PHKB: variants seen among roughly 807,000 people sequenced by gnomAD.
PHKB encodes phosphorylase b kinase regulatory subunit beta.
A neutral mutation model predicts 152.1 loss-of-function variants in PHKB; 122 were observed. That is an observed-to-expected ratio of 0.80 (90% CI 0.69 to 0.93). The LOEUF (loss-of-function observed/expected upper bound fraction) is 0.93, where lower values mean the gene tolerates loss of function less well. PHKB is among the 40% of genes least tolerant of loss of function. The probability of loss-of-function intolerance (pLI) is 0.00; values close to 1 mark genes in which losing one functional copy is unlikely to be tolerated. For synonymous variants in PHKB, 436 were observed against 464.9 expected (o/e 0.94, Z 0.80); for missense variants, 1,304 against 1,328.4 (o/e 0.98, Z 0.29).
chr16:47,698,207 C>T (rs1362669457), intron 29 of PHKB, among the ~76,000 whole-genome samples: 5 of 151,990 alleles, frequency 3.3e-5, no homozygotes, highest in African/African-American at 7.3e-5. Flanking sequence ...TCTAAGTTAA[C>T]GGTTTTATTT....
At chr16:47,640,903 C>G in intron 14 of PHKB, 132 bp from the exon 15 acceptor site, 2 of 820,754 alleles carry the variant, frequency 2.4e-6, no homozygotes, top group East Asian at 2.5e-5. Flanking sequence ...AAGGTGGCCG[C>G]TGAGAGCCAG....
At chr16:47,598,586 C>T (rs781017557) in intron 13 of PHKB, 104 of 908,846 alleles carry the variant, frequency 1.1e-4, no homozygotes, top group Middle Eastern at 3.5e-4. Context: ...AATATGAACA[C>T]GCCCTCGATA....
At chr16:47,578,409 T>C (rs1971785523) in intron 7 of PHKB, among the ~76,000 whole-genome samples, 1 of 152,192 alleles carries the variant, frequency 6.6e-6, no homozygotes, top group Admixed American at 6.5e-5. Context: ...TTGGGCATAA[T>C]AGTATAAGAC....
chr16:47,507,522 G>GT (rs1171982004), intron 4 of PHKB, among the ~76,000 whole-genome samples: 1 of 150,750 alleles, frequency 6.6e-6, no homozygotes, highest in African/African-American at 2.4e-5. Flanking sequence ...GGTTGTTTTT[G>GT]TTTTTTAATT....
At chr16:47,547,823 G>A (rs901748012) in intron 7 of PHKB, 4 of 381,362 alleles carry the variant, frequency 1.0e-5, no homozygotes, top group Middle Eastern at 8.2e-4. Context: ...CCACAGCTTG[G>A]CCTTTCTGCT....
chr16:47,580,210 T>A, intron 7 of PHKB, 85 bp from the exon 8 acceptor site: 2 of 969,534 alleles, frequency 2.1e-6, no homozygotes, highest in Non-Finnish European at 3.3e-6. Context: ...ATAAAGAAAT[T>A]TGCTCGTGAA....
intron 26 of PHKB, among the ~76,000 whole-genome samples, chr16:47,682,914 G>C (rs978899036): frequency 1.3e-5 from 2 of 152,120 alleles, no homozygotes; most frequent in African/African-American, 4.8e-5. Flanking sequence ...TTTGGTCTTT[G>C]ATGATGGTGA....
chr16:47,624,658 C>A (rs115717109), intron 14 of PHKB, among the ~76,000 whole-genome samples: 1 of 152,110 alleles, frequency 6.6e-6, no homozygotes, highest in Non-Finnish European at 1.5e-5. Flanking sequence ...ATATTTTGTA[C>A]CTTTCTCTCT....
intron 14 of PHKB, among the ~76,000 whole-genome samples, chr16:47,613,418 G>A (rs965071639): frequency 3.3e-5 from 5 of 152,080 alleles, no homozygotes; most frequent in Non-Finnish European, 5.9e-5. Context: ...TTTACTAAAG[G>A]TCGGTTATGT....
chr16:47,634,947 G>T (rs1205622526), intron 14 of PHKB, among the ~76,000 whole-genome samples: 4 of 152,250 alleles, frequency 2.6e-5, no homozygotes, highest in South Asian at 4.1e-4. Context: ...GTAGTGAGAT[G>T]ATCTGATTTA....
chr16:47,506,762 A>C lies in PHKB; in HGVS notation c.405+3672A>C, dbSNP rs1186785276. 2.0e-5 allele frequency among the ~76,000 whole-genome samples: 3 copies of C among 152,316 alleles called. No individual in the cohort carries two copies. In the East Asian group the frequency reaches 5.8e-4, roughly 29 times the overall value. The stretch of plus-strand genomic sequence containing the variant: ...CCCTGGGCCATATGGGAAGGAGAAG[A>C]ATTGTTTTGGGCCACACATAAAATA... On this transcript the variant is annotated intron_variant, in intron 4 of 30. Transcript: ENST00000323584.
At chr16:47,666,285 T>G (rs1483041784) in intron 25 of PHKB, among the ~76,000 whole-genome samples, 1 of 152,160 alleles carries the variant, frequency 6.6e-6, no homozygotes, top group East Asian at 1.9e-4. Context: ...TCAATGCAGA[T>G]GCTAATGTAG....
rs1177160117 is a variant in PHKB, at chr16:47,580,299, G to A, written c.715G>A (p.Val239Ile). The A allele has an allele frequency of 1.2e-6, 2 of 1,612,046 alleles. No homozygotes were observed. Among genetic ancestry groups the A allele is most frequent in the South Asian group, 1.1e-5 (1 of 91,014 alleles). ...NGSTELHSSS[V>I]GLAKAALEAI... ...GCATTTCCTTTTCTCTTTTAGCTCGGTTGGTTTAGCAAAAGCAGCTCTAGA... is the reference window on the plus strand; with the variant it reads ...GCATTTCCTTTTCTCTTTTAGCTCGATTGGTTTAGCAAAAGCAGCTCTAGA... Residue 239 changes from valine to isoleucine, a missense_variant, in exon 8 of 31, where the codon GTT becomes ATT. Coordinates refer to ENST00000323584, the MANE Select transcript of PHKB (RefSeq NM_000293.3).
intron 6 of PHKB, among the ~76,000 whole-genome samples, chr16:47,523,419 A>T (rs1970717261): frequency 6.6e-6 from 1 of 152,308 alleles, no homozygotes; most frequent in South Asian, 2.1e-4. Context: ...TCAGTTAATG[A>T]TTGAACAGGA....
At position 47,660,662 on chromosome 16, in the gene PHKB, C is replaced by A; in HGVS notation, c.2039C>A (p.Pro680Gln). The change falls in exon 22 of 31, where the codon CCA (proline) becomes CAA (glutamine). Residue 680 changes from proline (P) to glutamine (Q), a missense_variant. Coordinates refer to ENST00000323584, the MANE Select transcript of PHKB (RefSeq NM_000293.3). ...CCTTTTCTTTTAATTTTTAGGCTTC[C>A]AGAATTTAAGAGTTTTGAGGAACTA... is the stretch of plus-strand genomic sequence containing the variant. Reference protein sequence around the residue: ...FLRISDTEELPEFKSFEELEP... With the variant: ...FLRISDTEELQEFKSFEELEP... 6.2e-7 allele frequency: 1 copy of A among 1,613,908 alleles called. No individual in the cohort carries two copies. Among genetic ancestry groups the A allele is most frequent in the Non-Finnish European group, 8.5e-7 (1 of 1,179,926 alleles).
chr16:47,576,378 C>T (rs1011843098), intron 7 of PHKB, among the ~76,000 whole-genome samples: 2 of 152,054 alleles, frequency 1.3e-5, no homozygotes, highest in African/African-American at 4.8e-5. Flanking sequence ...ATTATTGAAC[C>T]GGCCTTGTTT....
At chr16:47,641,812 C>G in intron 16 of PHKB, 120 bp downstream of exon 16, 1 of 692,502 alleles carries the variant, frequency 1.4e-6, no homozygotes, top group South Asian at 1.6e-5. Flanking sequence ...ACCAGTAATC[C>G]AAAAGCTTCT....
chr16:47,690,390 A>C (rs149286031), intron 27 of PHKB, among the ~76,000 whole-genome samples: 55 of 152,356 alleles, frequency 3.6e-4, no homozygotes, highest in Non-Finnish European at 7.1e-4. Context: ...GGACAACAAA[A>C]GAAAAAGTTA....
intron 27 of PHKB, among the ~76,000 whole-genome samples, chr16:47,691,088 C>G (rs959140827): frequency 1.3e-5 from 2 of 152,046 alleles, no homozygotes; most frequent in Non-Finnish European, 2.9e-5. Flanking sequence ...TGCACAACAT[C>G]ACTTCTAGAT....
Sources: allele counts gnomAD v4.1 joint callset (sites outside exome capture counted in the v4.1 genomes callset), GRCh38; gene constraint gnomAD v4.1.1; transcripts MANE v1.5; gene names NCBI Gene and HGNC (gene_info 2026-07-23, HGNC 2026-07-21).